Variants in INPP4B observed in about 807,000 individuals in gnomAD.
INPP4B encodes inositol polyphosphate 4-phosphatase type II.
In INPP4B, 55 loss-of-function variants were observed where a neutral mutation model predicts 122.5. The observed-to-expected ratio is 0.45, with a 90% confidence interval of 0.36 to 0.56. The LOEUF is 0.56. INPP4B is among the 20% of genes least tolerant of loss of function. The probability of loss-of-function intolerance (pLI) is 0.00; values close to 1 mark genes in which losing one functional copy is unlikely to be tolerated. For missense variants in INPP4B, 1,000 were observed against 1,097.7 expected, an observed-to-expected ratio of 0.91 and a Z score of 1.26; for synonymous variants, 403 against 388.7, an observed-to-expected ratio of 1.04 and a Z score of -0.43.
intron 17 of INPP4B, among the ~76,000 whole-genome samples, chr4:142,159,895 G>A (rs1819238641): frequency 1.3e-5 from 2 of 151,922 alleles, no homozygotes; most frequent in Non-Finnish European, 2.9e-5. Context: ...AACCTTGAGC[G>A]AGAGGGATTT....
At chr4:142,679,201 A>G (rs970662067) in intron 2 of INPP4B, among the ~76,000 whole-genome samples, 5 of 151,870 alleles carry the variant, frequency 3.3e-5, no homozygotes, top group African/African-American at 1.2e-4. Context: ...TATATTATAC[A>G]CCTGCATGTG....
At chr4:142,467,795 G>T (rs533767559) in intron 2 of INPP4B, among the ~76,000 whole-genome samples, 1 of 152,250 alleles carries the variant, frequency 6.6e-6, no homozygotes, top group African/African-American at 2.4e-5. Flanking sequence ...CATGTTGAAG[G>T]TGGGCCTGAT....
intron 16 of INPP4B, among the ~76,000 whole-genome samples, chr4:142,164,657 T>C (rs1401865116): frequency 6.6e-6 from 1 of 151,838 alleles, no homozygotes; most frequent in African/African-American, 2.4e-5. Flanking sequence ...AAAATTACAG[T>C]GCCTACCTCT....
intron 12 of INPP4B, among the ~76,000 whole-genome samples, chr4:142,223,125 T>C (rs918611156): frequency 6.6e-6 from 1 of 152,040 alleles, no homozygotes. Context: ...GGCCATGTCA[T>C]ATAGCTATTA....
rs185490331 is a variant in INPP4B at position 142,175,173 on chromosome 4, G to A, written c.1182-1364C>T. Among the ~76,000 whole-genome samples the A allele has an allele frequency of 1.5e-3, 235 of 152,140 alleles. 1 individual carries two copies. Among genetic ancestry groups the A allele is most frequent in the Non-Finnish European group, 2.5e-3 (169 of 67,992 alleles). ...CATTTTTTCAAAAAACTTTGCAGTC[G>A]ATGTTATTTACTGAATATGTCTACT... On this transcript the variant is annotated intron_variant, in intron 15 of 25. Coordinates refer to ENST00000262992, the MANE Select transcript of INPP4B (RefSeq NM_001101669.3).
intron 1 of INPP4B, among the ~76,000 whole-genome samples, chr4:142,841,536 T>C (rs780870958): frequency 1.3e-5 from 2 of 151,966 alleles, no homozygotes; most frequent in Non-Finnish European, 2.9e-5. Flanking sequence ...CTATCTATTC[T>C]AAGAACTAAG....
At chr4:142,193,416 TTA>T (rs1255354095) in intron 14 of INPP4B, among the ~76,000 whole-genome samples, 2 of 152,184 alleles carry the variant, frequency 1.3e-5, no homozygotes, top group Non-Finnish European at 1.5e-5. Flanking sequence ...TTTTCCTGAT[TTA>T]TGACTACATC....
At chr4:142,541,145 A>T (rs1159287820) in intron 2 of INPP4B, among the ~76,000 whole-genome samples, 2 of 152,208 alleles carry the variant, frequency 1.3e-5, no homozygotes, top group Non-Finnish European at 2.9e-5. Context: ...TCTTAAACAG[A>T]TGATATTTAA....
rs1579238369 is a variant in INPP4B, at chr4:142,192,435, T to C, written c.1181+652A>G. 2.0e-5 allele frequency among the ~76,000 whole-genome samples: 3 copies of C among 151,300 alleles called. No homozygotes were observed. In the South Asian group the frequency reaches 6.3e-4, roughly 32 times the overall value. On this transcript the variant is annotated intron_variant, in intron 15 of 25. Coordinates refer to ENST00000262992, the MANE Select transcript of INPP4B (RefSeq NM_001101669.3). ...TGGATAATGCACTTTATGTTTTACA[T>C]GAGCGTGGTCATAGCCAGAGAATAT...
intron 15 of INPP4B, among the ~76,000 whole-genome samples, chr4:142,178,268 C>T (rs1190995335): frequency 1.3e-5 from 2 of 152,052 alleles, no homozygotes; most frequent in Non-Finnish European, 2.9e-5. Flanking sequence ...ACCCAGAATC[C>T]AACCACTTAT....
intron 1 of INPP4B, among the ~76,000 whole-genome samples, chr4:142,843,353 G>T (rs555516410): frequency 6.6e-6 from 1 of 151,806 alleles, no homozygotes; most frequent in African/African-American, 2.4e-5. Flanking sequence ...CTAATCAAAG[G>T]TTTCTAGCTC....
At chr4:142,394,890 G>A (rs1798873975) in intron 7 of INPP4B, among the ~76,000 whole-genome samples, 1 of 152,118 alleles carries the variant, frequency 6.6e-6, no homozygotes, top group African/African-American at 2.4e-5. Flanking sequence ...TCAGATCAAT[G>A]TGACAGAACT....
chr4:142,566,473 A>T (rs1465000422), intron 2 of INPP4B, among the ~76,000 whole-genome samples: 1 of 152,230 alleles, frequency 6.6e-6, no homozygotes, highest in Admixed American at 6.5e-5. Flanking sequence ...ATGGAAGCAG[A>T]AGGAATGTGA....
At chr4:142,064,503 G>A (rs919490858) in intron 25 of INPP4B, among the ~76,000 whole-genome samples, 1 of 151,988 alleles carries the variant, frequency 6.6e-6, no homozygotes, top group Non-Finnish European at 1.5e-5. Flanking sequence ...CATATGAGAT[G>A]TTTGTTATAT....
At chr4:142,355,687 T>C (rs1176459266) in intron 7 of INPP4B, among the ~76,000 whole-genome samples, 1 of 152,018 alleles carries the variant, frequency 6.6e-6, no homozygotes, top group African/African-American at 2.4e-5. Context: ...AGAATCTTTA[T>C]ATAACAACAC....
intron 2 of INPP4B, among the ~76,000 whole-genome samples, chr4:142,585,058 T>C (rs148346320): frequency 6.6e-6 from 1 of 152,242 alleles, no homozygotes; most frequent in East Asian, 1.9e-4. Context: ...TAGCACTGTG[T>C]GTGTGGTGGT....
At chr4:142,152,353 G>A (rs1380536303) in intron 17 of INPP4B, among the ~76,000 whole-genome samples, 1 of 151,896 alleles carries the variant, frequency 6.6e-6, no homozygotes, top group Non-Finnish European at 1.5e-5. Context: ...GGGATTACAG[G>A]CGTGAGTCAC....
At chr4:142,424,890 T>C (rs1429080525) in intron 5 of INPP4B, among the ~76,000 whole-genome samples, 2 of 152,016 alleles carry the variant, frequency 1.3e-5, no homozygotes, top group African/African-American at 2.4e-5. Flanking sequence ...ACATTGCCTA[T>C]TATTTATTTT....
chr4:142,302,644 T>C (rs966107516), intron 9 of INPP4B, among the ~76,000 whole-genome samples: 1 of 152,178 alleles, frequency 6.6e-6, no homozygotes, highest in Non-Finnish European at 1.5e-5. Context: ...TGGTTGGTTA[T>C]TGTCATCCTT....
Sources: gnomAD v4.1 joint callset for allele counts (sites outside exome capture counted in the v4.1 genomes callset) on GRCh38, gnomAD v4.1.1 for gene constraint, MANE v1.5 for transcripts, NCBI Gene and HGNC (gene_info 2026-07-23, HGNC 2026-07-21) for gene names.